The following NR2F1-AS1 variants were observed in gnomAD, a reference collection of about 807,000 sequenced individuals.
The protein encoded by NR2F1-AS1 is NR2F1 antisense RNA 1.
intron 4 of NR2F1-AS1, among the ~76,000 whole-genome samples, chr5:93,459,018 GA>G (rs999818726): frequency 1.4e-5 from 2 of 148,046 alleles, no homozygotes; most frequent in East Asian, 2.0e-4. Context: ...TCTCAAAAAA[GA>G]AAAAAAAAGA....
chr5:93,439,220 C>T (rs184669445), intron 4 of NR2F1-AS1, among the ~76,000 whole-genome samples: 24 of 152,366 alleles, frequency 1.6e-4, no homozygotes, highest in African/African-American at 5.8e-4. Flanking sequence ...AGCAATATTA[C>T]TTTCTTGTTA....
Position 93,419,007 on chromosome 5 carries a change from G to A in NR2F1-AS1, n.639-23465C>T, listed in dbSNP as rs62369923. On this transcript the variant is annotated intron_variant and non_coding_transcript_variant, in intron 4 of 5. Transcript: ENST00000660523. Reference sequence around the variant, plus strand: ...AAATACCTAGCAGTACTACTTCTAGGAATCTATCTTACAGAAATAGCAGCA... The same window carrying A: ...AAATACCTAGCAGTACTACTTCTAGAAATCTATCTTACAGAAATAGCAGCA... Among the ~76,000 whole-genome samples the A allele has an allele frequency of 5.7e-3, 873 of 152,240 alleles. 9 individuals carry two copies. The highest frequency in any genetic ancestry group is 7.2e-3 in the Non-Finnish European group (488 of 68,018).
intron 4 of NR2F1-AS1, among the ~76,000 whole-genome samples, chr5:93,490,943 A>AGTG (rs1157276066): frequency 5.0e-5 from 4 of 79,462 alleles, no homozygotes; most frequent in Non-Finnish European, 1.0e-4. Context: ...TGGTGGTGGG[A>AGTG]GTGGTGGTGG....
intron 4 of NR2F1-AS1, among the ~76,000 whole-genome samples, chr5:93,493,276 A>C (rs1750889078): frequency 6.6e-6 from 1 of 152,128 alleles, no homozygotes; most frequent in Admixed American, 6.5e-5. Context: ...ATTAAAAACA[A>C]TTCCATTTAC....
At chr5:93,569,566 C>T (rs1580342486) in intron 1 of NR2F1-AS1, among the ~76,000 whole-genome samples, 1 of 152,182 alleles carries the variant, frequency 6.6e-6, no homozygotes, top group South Asian at 2.1e-4. Flanking sequence ...TTGCTTCAAG[C>T]AGTCCTGCCT....
intron 4 of NR2F1-AS1, among the ~76,000 whole-genome samples, chr5:93,465,066 T>C (rs956727093): frequency 7.2e-5 from 11 of 152,250 alleles, no homozygotes; most frequent in African/African-American, 2.4e-4. Flanking sequence ...AAAGCCAAAA[T>C]AGAAAAATGG....
intron 4 of NR2F1-AS1, among the ~76,000 whole-genome samples, chr5:93,423,984 A>C (rs1199635919): frequency 6.6e-6 from 1 of 152,082 alleles, no homozygotes; most frequent in Non-Finnish European, 1.5e-5. Context: ...AGTATAGCAA[A>C]ATCACCTGGG....
At chr5:93,582,780 GTGTGTA>G (rs1428930862), upstream of NR2F1-AS1, among the ~76,000 whole-genome samples, 1 of 151,476 alleles carries the variant, frequency 6.6e-6, no homozygotes, top group Non-Finnish European at 1.5e-5. Context: ...AAGTGTGTGT[GTGTGTA>G]TGTGTGTGTG....
At chr5:93,524,819 T>C (rs975814932) in intron 4 of NR2F1-AS1, among the ~76,000 whole-genome samples, 1 of 152,108 alleles carries the variant, frequency 6.6e-6, no homozygotes, top group Non-Finnish European at 1.5e-5. Flanking sequence ...AGAGATTTTG[T>C]CACCACCAGG....
chr5:93,534,591 T>A (rs1450096050), intron 4 of NR2F1-AS1, among the ~76,000 whole-genome samples: 4 of 152,342 alleles, frequency 2.6e-5, no homozygotes, highest in Non-Finnish European at 4.4e-5. Context: ...AGCAAGATTT[T>A]CATTTTCCTT....
intron 4 of NR2F1-AS1, among the ~76,000 whole-genome samples, chr5:93,509,810 A>G (rs2149890124): frequency 1.3e-5 from 2 of 151,964 alleles, no homozygotes; most frequent in Admixed American, 1.3e-4. Flanking sequence ...CATTTCTTTG[A>G]AGCATTTCCT....
chr5:93,543,277 CA>C (rs1183183277), intron 4 of NR2F1-AS1: 1 of 152,138 alleles, frequency 6.6e-6, no homozygotes, highest in Admixed American at 6.5e-5. Context: ...ACAACTGAAA[CA>C]GACCTACTAA....
intron 4 of NR2F1-AS1, among the ~76,000 whole-genome samples, chr5:93,482,539 C>T (rs759481446): frequency 3.9e-5 from 6 of 152,232 alleles, no homozygotes; most frequent in East Asian, 1.9e-4. Flanking sequence ...GGGCAGACAC[C>T]GAGCTAACTA....
At chr5:93,490,003 C>A (rs1038527050) in intron 4 of NR2F1-AS1, among the ~76,000 whole-genome samples, 1 of 152,178 alleles carries the variant, frequency 6.6e-6, no homozygotes, top group Admixed American at 6.5e-5. Flanking sequence ...TGGATGAGGA[C>A]CTGTGAAATG....
chr5:93,522,507 T>C (rs1368689094), intron 4 of NR2F1-AS1, among the ~76,000 whole-genome samples: 2 of 152,198 alleles, frequency 1.3e-5, no homozygotes, highest in Admixed American at 6.5e-5. Flanking sequence ...CAATTTTTAT[T>C]TTCCACTTAG....
intron 4 of NR2F1-AS1, among the ~76,000 whole-genome samples, chr5:93,479,724 C>T (rs1179989429): frequency 1.3e-5 from 2 of 151,916 alleles, no homozygotes; most frequent in Non-Finnish European, 2.9e-5. Flanking sequence ...TAAGCAAAGA[C>T]TTTAAATTAA....
At chr5:93,528,766 GA>G (rs1179330462) in intron 4 of NR2F1-AS1, among the ~76,000 whole-genome samples, 3 of 152,100 alleles carry the variant, frequency 2.0e-5, no homozygotes, top group Admixed American at 6.6e-5. Flanking sequence ...GATGAAGCTG[GA>G]AACCATCATT....
chr5:93,578,176 C>A (rs1430413082), intron 1 of NR2F1-AS1, among the ~76,000 whole-genome samples: 1 of 152,170 alleles, frequency 6.6e-6, no homozygotes, highest in East Asian at 1.9e-4. Context: ...GGGCCTGGAA[C>A]GCAAGTCAAC....
At chr5:93,456,718 G>A (rs1375462854) in intron 4 of NR2F1-AS1, among the ~76,000 whole-genome samples, 3 of 151,562 alleles carry the variant, frequency 2.0e-5, no homozygotes, top group Non-Finnish European at 2.9e-5. Flanking sequence ...TTCAGCATAT[G>A]GAGGACCCAC....
Sources: gnomAD v4.1 joint callset for allele counts (sites outside exome capture counted in the v4.1 genomes callset) on GRCh38, gnomAD v4.1.1 for gene constraint, MANE v1.5 for transcripts, NCBI Gene and HGNC (gene_info 2026-07-23, HGNC 2026-07-21) for gene names.